Variants in CNTNAP2 observed in about 807,000 individuals in gnomAD.
CNTNAP2 encodes the protein contactin-associated protein-like 2.
Under a neutral mutation model 155.2 loss-of-function variants are expected in CNTNAP2, and 98 were observed. That is an observed-to-expected ratio of 0.63 (90% CI 0.54 to 0.75). The LOEUF is 0.75. CNTNAP2 is among the 30% of genes least tolerant of loss of function. The pLI is 0.00. For missense variants in CNTNAP2, 1,727 were observed against 1,688.1 expected, an observed-to-expected ratio of 1.02 and a Z score of -0.40; for synonymous variants, 651 against 631.2, an observed-to-expected ratio of 1.03 and a Z score of -0.47.
Position 147,245,185 on chromosome 7 carries a change from G to A in CNTNAP2, c.1349-54956G>A, listed in dbSNP as rs73742505. ...TTTGCCCTTGCTGGCCCTCAGAAGA[G>A]TATTAATTCTCATTTTGGGAAGGAA... On this transcript the variant is annotated intron_variant, in intron 8 of 23. Coordinates refer to ENST00000361727, the MANE Select transcript of CNTNAP2 (RefSeq NM_014141.6). Among the ~76,000 whole-genome samples, 1,191 of 152,128 alleles carry A rather than the reference G, an allele frequency of 7.8e-3. 16 individuals are homozygous for A. Among genetic ancestry groups the A allele is most frequent in the African/African-American group, 0.027 (1,137 of 41,504 alleles).
At chr7:146,782,839 C>G (rs1229532908) in intron 2 of CNTNAP2, among the ~76,000 whole-genome samples, 2 of 152,144 alleles carry the variant, frequency 1.3e-5, no homozygotes, top group Non-Finnish European at 2.9e-5. Context: ...AAAAACAACA[C>G]TATAGATACC....
chr7:148,408,523 A>G (rs190178831), intron 22 of CNTNAP2, among the ~76,000 whole-genome samples: 31 of 152,194 alleles, frequency 2.0e-4, no homozygotes, highest in South Asian at 1.2e-3. Flanking sequence ...GTGTGTACAC[A>G]TTTCATTGTA....
intron 2 of CNTNAP2, among the ~76,000 whole-genome samples, chr7:146,818,332 G>A (rs551165443): frequency 5.7e-4 from 87 of 152,060 alleles, no homozygotes; most frequent in African/African-American, 1.8e-3. Context: ...AATTTTTAAC[G>A]GGATTCAATT....
At chr7:146,846,415 A>T (rs1474476683) in intron 3 of CNTNAP2, among the ~76,000 whole-genome samples, 1 of 151,986 alleles carries the variant, frequency 6.6e-6, no homozygotes, top group East Asian at 1.9e-4. Flanking sequence ...AAAAAAAAAC[A>T]ATTTCCAAGG....
intron 13 of CNTNAP2, among the ~76,000 whole-genome samples, chr7:147,835,813 C>G (rs1247938873): frequency 6.6e-6 from 1 of 152,140 alleles, no homozygotes; most frequent in African/African-American, 2.4e-5. Context: ...AGCTTTGACA[C>G]ACAGAGAAGC....
At chr7:146,263,768 A>G (rs1322038251) in intron 1 of CNTNAP2, among the ~76,000 whole-genome samples, 11 of 152,232 alleles carry the variant, frequency 7.2e-5, no homozygotes, top group Non-Finnish European at 1.3e-4. Context: ...AGAGAGTCAA[A>G]GACAGACCTC....
chr7:147,733,040 A>G (rs1258592437), intron 13 of CNTNAP2, among the ~76,000 whole-genome samples: 1 of 152,196 alleles, frequency 6.6e-6, no homozygotes, highest in African/African-American at 2.4e-5. Flanking sequence ...TAGTTTAATT[A>G]GATCCCATTT....
At chr7:146,964,820 C>A (rs994828096) in intron 3 of CNTNAP2, among the ~76,000 whole-genome samples, 1 of 152,010 alleles carries the variant, frequency 6.6e-6, no homozygotes, top group South Asian at 2.1e-4. Context: ...TGAAAGCAGC[C>A]ATGGACAATA....
chr7:146,948,695 C>T (rs565094514), intron 3 of CNTNAP2, among the ~76,000 whole-genome samples: 1 of 152,128 alleles, frequency 6.6e-6, no homozygotes, highest in Non-Finnish European at 1.5e-5. Flanking sequence ...GAAGACAACT[C>T]TTTGGATGAG....
chr7:146,395,406 T>C (rs931737163), intron 1 of CNTNAP2, among the ~76,000 whole-genome samples: 1 of 152,100 alleles, frequency 6.6e-6, no homozygotes, highest in African/African-American at 2.4e-5. Context: ...AGTTTACAGT[T>C]AGTACTGCGT....
intron 1 of CNTNAP2, among the ~76,000 whole-genome samples, chr7:146,690,017 T>C (rs1339125387): frequency 6.6e-6 from 1 of 151,674 alleles, no homozygotes; most frequent in Admixed American, 6.6e-5. Flanking sequence ...TTTATATATA[T>C]CTATTTAAAT....
chr7:146,697,250 TA>T (rs778055777), intron 1 of CNTNAP2, among the ~76,000 whole-genome samples: 77 of 151,604 alleles, frequency 5.1e-4, no homozygotes, highest in African/African-American at 1.7e-3. Flanking sequence ...TTTATTTATT[TA>T]TTTTGAGACA....
At chr7:147,911,165 C>G (rs1800059701) in intron 14 of CNTNAP2, among the ~76,000 whole-genome samples, 1 of 151,990 alleles carries the variant, frequency 6.6e-6, no homozygotes, top group Non-Finnish European at 1.5e-5. Flanking sequence ...ATAATGAGTT[C>G]AGAAAATGTG....
At chr7:148,185,118 G>A (rs1319560029) in intron 18 of CNTNAP2, among the ~76,000 whole-genome samples, 4 of 152,062 alleles carry the variant, frequency 2.6e-5, no homozygotes, top group Non-Finnish European at 4.4e-5. Flanking sequence ...ATTAGTGCTC[G>A]CCCGTCTCTC....
chr7:146,588,968 A>T (rs146123015), intron 1 of CNTNAP2, among the ~76,000 whole-genome samples: 19 of 152,284 alleles, frequency 1.2e-4, no homozygotes, highest in African/African-American at 4.6e-4. Flanking sequence ...TATAAAAAAA[A>T]AGTTAAAATT....
chr7:146,118,237 T>C lies in CNTNAP2; in HGVS notation c.97+1264T>C, dbSNP rs116024638. Among the ~76,000 whole-genome samples, 424 of 152,274 alleles carry C rather than the reference T, an allele frequency of 2.8e-3. 3 individuals are homozygous for C. Among genetic ancestry groups the C allele is most frequent in the African/African-American group, 9.9e-3 (411 of 41,576 alleles). ...CTAAGTACAGTATTAGCTTTTCTTT[T>C]CCCACAATGTGTAAAGATAAGGAGA... is the stretch of plus-strand genomic sequence containing the variant. On this transcript the variant is annotated intron_variant, in intron 1 of 23. Transcript: ENST00000361727.
chr7:147,225,652 G>A (rs531016599), intron 8 of CNTNAP2, among the ~76,000 whole-genome samples: 3 of 151,976 alleles, frequency 2.0e-5, no homozygotes, highest in Non-Finnish European at 2.9e-5. Context: ...AGGACATTGT[G>A]CTTCTTTGTT....
chr7:147,747,486 C>T (rs1229266852), intron 13 of CNTNAP2, among the ~76,000 whole-genome samples: 1 of 152,102 alleles, frequency 6.6e-6, no homozygotes, highest in Non-Finnish European at 1.5e-5. Context: ...TTTTTGTTAT[C>T]CATTCATCCA....
intron 14 of CNTNAP2, among the ~76,000 whole-genome samples, chr7:147,923,212 G>A (rs990783004): frequency 1.3e-5 from 2 of 152,182 alleles, no homozygotes; most frequent in African/African-American, 4.8e-5. Flanking sequence ...AACGTGACAT[G>A]TTTTTGACAT....
Sources: gnomAD v4.1 joint callset for allele counts (sites outside exome capture counted in the v4.1 genomes callset) on GRCh38, gnomAD v4.1.1 for gene constraint, MANE v1.5 for transcripts, NCBI Gene and HGNC (gene_info 2026-07-23, HGNC 2026-07-21) for gene names.